The following DCTN3 variants were observed in gnomAD, a reference collection of about 807,000 sequenced individuals.
DCTN3 encodes dynactin 3 (p22).
A neutral mutation model predicts 28.4 loss-of-function variants in DCTN3; 25 were observed. The ratio of observed to expected loss-of-function variants is 0.88; its 90% CI spans 0.64 to 1.23. The LOEUF is 1.23. DCTN3 is among the 50% of genes most tolerant of loss of function. The pLI, the probability that DCTN3 is intolerant of heterozygous loss-of-function variation, is 0.00. For missense variants in DCTN3, 229 were observed against 232.0 expected (o/e 0.99, Z 0.08); for synonymous variants, 81 against 91.4 (o/e 0.89, Z 0.65).
At chr9:34,614,288 T>C in intron 5 of DCTN3, 187 bp from the exon 6 acceptor site, 2 of 1,380,470 alleles carry the variant, frequency 1.4e-6, no homozygotes, top group Non-Finnish European at 2.0e-6. Context: ...CTAACAGCAG[T>C]CCAAAGACGG....
chr9:34,620,436 A>C lies in DCTN3; in HGVS notation c.29T>G (p.Leu10Arg). 6.4e-7 allele frequency: 1 copy of C among 1,556,732 alleles called. No individual in the cohort carries two copies. The highest frequency in any genetic ancestry group is 8.7e-7 in the Non-Finnish European group (1 of 1,150,944). ...CTCCAGCTCTTCCACTCGGGCCTGT[A>C]GCCGCTGCAAGTCAGTCAGACCCGC... The part of the protein sequence containing the change: MAGLTDLQR[L>R]QARVEELERW... Residue 10 changes from leucine to arginine, a missense_variant, in exon 1 of 7, where the codon CTA (leucine) becomes CGA (arginine). Physicochemically the swap from Leu to Arg is moderately radical, Grantham distance 102 (BLOSUM62 -2). Coordinates refer to ENST00000259632, the MANE Select transcript of DCTN3 (RefSeq NM_007234.5).
Position 34,620,418 on chromosome 9 carries a change from T to A in DCTN3, c.47A>T (p.Glu16Val). 6.4e-7 allele frequency: 1 copy of A among 1,568,006 alleles called. No homozygotes were observed. Among genetic ancestry groups the A allele is most frequent in the Non-Finnish European group, 8.6e-7 (1 of 1,157,286 alleles). Residue 16 changes from glutamate (E) to valine (V), a missense_variant, in exon 1 of 7, where the codon GAG becomes GTG. Coordinates refer to ENST00000259632, the MANE Select transcript of DCTN3 (RefSeq NM_007234.5). ...CGGCCCGTACACCCAGCGCTCCAGC[T>A]CTTCCACTCGGGCCTGTAGCCGCTG... is the stretch of plus-strand genomic sequence containing the variant. ...DLQRLQARVEELERWVYGPGG... is the reference protein window; with the variant it reads ...DLQRLQARVEVLERWVYGPGG...
chr9:34,620,245 G>T, intron 1 of DCTN3, 124 bp downstream of exon 1: 1 of 872,250 alleles, frequency 1.1e-6, no homozygotes, highest in Non-Finnish European at 1.8e-6. Flanking sequence ...GGAGGTCCCG[G>T]ACCTTTGTTA....
chr9:34,618,664 G>A lies in DCTN3; in HGVS notation c.181+12C>T, dbSNP rs1257818149. On this transcript the variant is annotated intron_variant, in intron 2 of 6. Coordinates refer to ENST00000259632, the MANE Select transcript of DCTN3 (RefSeq NM_007234.5). ...GATGTCGGGCAGGCAGGCACATCAT[G>A]GAAGCACTTACTCTTTTTGTAGAGA... is the stretch of plus-strand genomic sequence containing the variant. 1 of 1,610,932 alleles carries A rather than the reference G, an allele frequency of 6.2e-7. No individual in the cohort carries two copies. Among genetic ancestry groups the A allele is most frequent in the Admixed American group, 1.7e-5 (1 of 60,032 alleles).
intron 5 of DCTN3, 188 bp downstream of exon 5, chr9:34,614,522 A>G: frequency 1.5e-6 from 1 of 671,428 alleles, no homozygotes; most frequent in Admixed American, 2.9e-5. Context: ...CTGGAAGCAG[A>G]AAGTTTGTAC....
chr9:34,614,221 C>G, intron 5 of DCTN3, 120 bp from the exon 6 acceptor site: 1 of 1,587,582 alleles, frequency 6.3e-7, no homozygotes, highest in South Asian at 1.1e-5. Flanking sequence ...ACGCTTAACC[C>G]CAAAGCCAAA....
At chr9:34,615,079 AG>A (rs1339521677) in intron 4 of DCTN3, 2 of 341,422 alleles carry the variant, frequency 5.9e-6, no homozygotes, top group Non-Finnish European at 1.1e-5. Context: ...TGGCTATTAT[AG>A]GACCTGTCCC....
chr9:34,616,400 A>G lies in DCTN3; in HGVS notation c.269-287T>C, dbSNP rs1445691151. 7.0e-6 allele frequency: 2 copies of G among 285,520 alleles called. No homozygotes were observed. Among genetic ancestry groups the G allele is most frequent in the Non-Finnish European group, 6.7e-6 (1 of 148,540 alleles). 17.7% of individuals were successfully genotyped at this position (285,520 alleles called of 1,614,324 possible). A position where few individuals can be genotyped will look rare whatever the true frequency, so the allele number is the denominator to read the frequency against. On this transcript the variant is annotated intron_variant, in intron 3 of 6. Coordinates refer to ENST00000259632, the MANE Select transcript of DCTN3 (RefSeq NM_007234.5). This position sits in a 1 kb window ranked among gnomAD's most constrained non-coding sequence, Gnocchi z 4.7. ...GACCTCTTCTTCTAGCCTCCTATCA[A>G]CAAACTCAGGGAGCACCTCCTAGGC...
chr9:34,618,724 C>T lies in DCTN3; in HGVS notation c.133G>A (p.Gly45Arg). 1 of 1,614,178 alleles carries T rather than the reference C, an allele frequency of 6.2e-7. No homozygotes were observed. The highest frequency in any genetic ancestry group is 8.5e-7 in the Non-Finnish European group (1 of 1,180,028). Residue 45 changes from glycine to arginine, a missense_variant, in exon 2 of 7, where the codon GGG (glycine) becomes AGG (arginine). Transcript: ENST00000259632. ...CTCTCCCTCTTGCTGGAAATGTTCCCCAAAGCCACCTGCACCTTGACCAGG... is the reference window on the plus strand; with the variant it reads ...CTCTCCCTCTTGCTGGAAATGTTCCTCAAAGCCACCTGCACCTTGACCAGG... ...DGLVKVQVAL[G>R]NISSKRERVK...
At chr9:34,618,848 C>G in intron 1 of DCTN3, 88 bp from the exon 2 acceptor site, 4 of 1,039,572 alleles carry the variant, frequency 3.8e-6, no homozygotes, top group Middle Eastern at 4.0e-4. Context: ...CCCAGACTCT[C>G]AAACCTGAAT....
chr9:34,618,019 C>A, intron 2 of DCTN3, 48 bp from the exon 3 acceptor site: 1 of 1,575,658 alleles, frequency 6.3e-7, no homozygotes, highest in Non-Finnish European at 8.7e-7. Context: ...GGCAGTAGAG[C>A]TCTGCCTTAT....
chr9:34,613,966 G>A (rs1233204380), intron 6 of DCTN3, 76 bp downstream of exon 6: 1 of 1,609,668 alleles, frequency 6.2e-7, no homozygotes, highest in Non-Finnish European at 8.5e-7. Flanking sequence ...TAGGATGAGA[G>A]AGAGCTAGAG....
chr9:34,619,350 C>A (rs1820497622), intron 1 of DCTN3, among the ~76,000 whole-genome samples: 1 of 152,188 alleles, frequency 6.6e-6, no homozygotes, highest in Admixed American at 6.5e-5. Context: ...GTTCTCAGAA[C>A]AGAAATCTGG....
chr9:34,616,082 G>C lies in DCTN3; in HGVS notation c.300C>G (p.Leu100=), dbSNP rs1020758955. 1.9e-6 allele frequency: 3 copies of C among 1,613,946 alleles called. No individual in the cohort carries two copies. Among genetic ancestry groups the C allele is most frequent in the African/African-American group, 2.7e-5 (2 of 74,910 alleles). ...EEQFILSQVA[L]LEQVNALVPM... Reference sequence around the variant, plus strand: ...GCACCAAGGCATTCACCTGCTCCAGGAGTGCAACCTGGGAAAGGATAAACT... The same window carrying C: ...GCACCAAGGCATTCACCTGCTCCAGCAGTGCAACCTGGGAAAGGATAAACT... The change falls in exon 4 of 7, where the codon CTC becomes CTG. Residue 100 remains leucine, a synonymous_variant. Coordinates refer to ENST00000259632, the MANE Select transcript of DCTN3 (RefSeq NM_007234.5). This position sits in a 1 kb window ranked among gnomAD's most constrained non-coding sequence, Gnocchi z 4.7.
chr9:34,617,180 C>T (rs1345161029), intron 3 of DCTN3, among the ~76,000 whole-genome samples: 2 of 152,250 alleles, frequency 1.3e-5, no homozygotes, highest in African/African-American at 4.8e-5. Flanking sequence ...ACCCAGTCCT[C>T]AGTGCTGCAT....
intron 4 of DCTN3, chr9:34,615,753 A>C: frequency 3.6e-6 from 1 of 280,326 alleles, no homozygotes; most frequent in Non-Finnish European, 6.8e-6. Flanking sequence ...CTCTACTAAA[A>C]ATAGCCAGGT....
At position 34,619,942 on chromosome 9, in the gene DCTN3, C is replaced by T. The variant is rs534866349; in HGVS notation, c.96+427G>A. 5.3e-5 allele frequency among the ~76,000 whole-genome samples: 8 copies of T among 152,324 alleles called. No individual in the cohort carries two copies. The South Asian group carries it at 1.7e-3, about 32-fold the overall frequency. The stretch of plus-strand genomic sequence containing the variant: ...TCAGACCTCACTTCTCACCCTTTGG[C>T]GTTTTCCTTATCCACCTCTGCTCTG... On this transcript the variant is annotated intron_variant, in intron 1 of 6. Transcript: ENST00000259632.
intron 4 of DCTN3, 110 bp from the exon 5 acceptor site, chr9:34,614,878 C>T: frequency 7.5e-7 from 1 of 1,342,130 alleles, no homozygotes; most frequent in Non-Finnish European, 1.0e-6. Flanking sequence ...AGAAGCTAAA[C>T]AAACGCCAGA....
intron 1 of DCTN3, 138 bp from the exon 2 acceptor site, chr9:34,618,898 G>A (rs1375722560): frequency 3.0e-6 from 2 of 676,128 alleles, no homozygotes; most frequent in Non-Finnish European, 2.7e-6. Flanking sequence ...TAATATTAAA[G>A]GAGATGCAGC....
Sources: gnomAD v4.1 joint callset for allele counts (sites outside exome capture counted in the v4.1 genomes callset) on GRCh38, gnomAD v4.1.1 for gene constraint, Gnocchi (gnomAD v3.1) non-coding constraint, MANE v1.5 for transcripts, NCBI Gene and HGNC (gene_info 2026-07-23, HGNC 2026-07-21) for gene names.